The following IL1RAPL1 variants were observed in gnomAD, a reference collection of about 807,000 sequenced individuals.
IL1RAPL1 encodes interleukin-1 receptor accessory protein-like 1.
IL1RAPL1 carries 3 observed loss-of-function variants against 48.4 expected under a neutral mutation model. The ratio of observed to expected loss-of-function variants is 0.06; its 90% CI spans 0.03 to 0.16. The LOEUF is 0.16. Among genes scored for constraint, IL1RAPL1 ranks in the 10% least tolerant of loss-of-function variants. The pLI, the probability that IL1RAPL1 is intolerant of heterozygous loss-of-function variation, is 1.00. For missense variants in IL1RAPL1, 349 were observed against 530.6 expected (o/e 0.66, Z 3.36); for synonymous variants, 185 against 187.7 (o/e 0.99, Z 0.12).
chrX:28,730,407 T>C (rs895838389), intron 1 of IL1RAPL1, among the ~76,000 whole-genome samples: 2 of 111,708 alleles, frequency 1.8e-5, no homozygotes, highest in African/African-American at 6.5e-5. Context: ...ATCAGTTATG[T>C]ATTCAGAGGA....
At chrX:29,527,326 CTTTTTTTTTTTTTT>C (rs61003668) in intron 5 of IL1RAPL1, among the ~76,000 whole-genome samples, 3 of 25,570 alleles carry the variant, frequency 1.2e-4, no homozygotes, top group East Asian at 1.8e-3. Context: ...GGGAAGGACT[CTTTTTTTTTTTTTT>C]TTTTTTTTTT....
intron 5 of IL1RAPL1, among the ~76,000 whole-genome samples, chrX:29,566,097 C>T (rs992033118): frequency 1.5e-4 from 17 of 110,812 alleles, no homozygotes; most frequent in South Asian, 3.8e-4. Flanking sequence ...TACAGGCGTC[C>T]GCCACCACAC....
At chrX:29,076,600 G>A (rs189185681) in intron 2 of IL1RAPL1, among the ~76,000 whole-genome samples, 1 of 111,053 alleles carries the variant, frequency 9.0e-6, no homozygotes, top group Admixed American at 9.6e-5. Context: ...TTTCCTGGTG[G>A]TCTTTCGATT....
chrX:29,823,578 G>A (rs149475432), intron 6 of IL1RAPL1, among the ~76,000 whole-genome samples: 3,204 of 111,884 alleles, frequency 0.029, 99 homozygotes, highest in African/African-American at 0.099. Context: ...GTGCCTTGAA[G>A]AGTGAAAACT....
At position 29,950,894 on chromosome X, in the gene IL1RAPL1, G is replaced by C. The variant is rs191016375; in HGVS notation, c.1202-3628G>C. ...GAGGTTTCACCGTGTTAGCCAGGAT[G>C]GTCTCGATCTCCTGACCTTGTGATC... is the stretch of plus-strand genomic sequence containing the variant. On this transcript the variant is annotated intron_variant, in intron 9 of 10. Transcript: ENST00000378993. Among the ~76,000 whole-genome samples the C allele has an allele frequency of 5.5e-3, 614 of 110,805 alleles. 5 individuals are homozygous for C. The highest frequency in any genetic ancestry group is 0.02 in the African/African-American group (595 of 30,459).
At chrX:29,765,741 G>C (rs1189935670) in intron 6 of IL1RAPL1, among the ~76,000 whole-genome samples, 2 of 111,789 alleles carry the variant, frequency 1.8e-5, no homozygotes, top group African/African-American at 6.5e-5. Context: ...GGCAAATAAT[G>C]TCCTTTGCAG....
chrX:29,252,400 A>T (rs182721380), intron 2 of IL1RAPL1, among the ~76,000 whole-genome samples: 19 of 113,886 alleles, frequency 1.7e-4, no homozygotes, highest in Non-Finnish European at 2.4e-4. Context: ...CCTAGTGGCC[A>T]GGGCATACAG....
intron 6 of IL1RAPL1, among the ~76,000 whole-genome samples, chrX:29,733,263 T>G (rs772591367): frequency 1.8e-4 from 20 of 112,325 alleles, no homozygotes; most frequent in Admixed American, 5.7e-4. Context: ...CTTCTTGGAC[T>G]TTTTTCCCTC....
chrX:28,762,786 G>GCGCGCACACACACACACACACA (rs1366464632), intron 1 of IL1RAPL1, among the ~76,000 whole-genome samples: 14 of 62,967 alleles, frequency 2.2e-4, no homozygotes, highest in African/African-American at 7.6e-4. Context: ...GCACGCGCGC[G>GCGCGCACACACACACACACACA]CACACACACA....
chrX:29,449,335 T>A (rs1178587148), intron 5 of IL1RAPL1, among the ~76,000 whole-genome samples: 1 of 110,975 alleles, frequency 9.0e-6, no homozygotes, highest in Non-Finnish European at 1.9e-5. Context: ...AACAGTTATA[T>A]GTAAGTATGA....
chrX:29,176,515 G>T (rs1962737), intron 2 of IL1RAPL1, among the ~76,000 whole-genome samples: 15,062 of 110,119 alleles, frequency 0.14, 1,011 homozygotes, highest in Non-Finnish European at 0.2. Context: ...TTCCTCAACT[G>T]TTTTATAAAT....
chrX:29,276,131 T>G (rs1932115240), intron 2 of IL1RAPL1, among the ~76,000 whole-genome samples: 1 of 111,813 alleles, frequency 8.9e-6, no homozygotes, highest in South Asian at 3.7e-4. Context: ...AGGATTAAAT[T>G]TTATCAGTGT....
At chrX:29,617,577 G>A (rs1196500928) in intron 5 of IL1RAPL1, among the ~76,000 whole-genome samples, 1 of 111,596 alleles carries the variant, frequency 9.0e-6, no homozygotes, top group Non-Finnish European at 1.9e-5. Context: ...GGCAGTCTGA[G>A]CCCTGTATTG....
chrX:29,632,263 C>T (rs1163699706), intron 5 of IL1RAPL1, among the ~76,000 whole-genome samples: 1 of 109,640 alleles, frequency 9.1e-6, no homozygotes, highest in Non-Finnish European at 1.9e-5. Context: ...ATTCTCCTGC[C>T]TCAGCCTCCT....
chrX:28,612,932 T>A (rs902348671), intron 1 of IL1RAPL1, among the ~76,000 whole-genome samples: 29 of 112,182 alleles, frequency 2.6e-4, no homozygotes, highest in Non-Finnish European at 4.1e-4. Flanking sequence ...CCTGAATGCT[T>A]GTTTGAATGG....
chrX:29,857,321 T>C (rs1021349022), intron 6 of IL1RAPL1, among the ~76,000 whole-genome samples: 1 of 110,628 alleles, frequency 9.0e-6, no homozygotes, highest in African/African-American at 3.3e-5. Flanking sequence ...TTTCAAATAG[T>C]GCAAGAGGAA....
chrX:29,281,986 C>T (rs1050630155), intron 2 of IL1RAPL1, among the ~76,000 whole-genome samples: 10 of 111,203 alleles, frequency 9.0e-5, no homozygotes, highest in Admixed American at 3.8e-4. Flanking sequence ...TTTGTAATCA[C>T]GATGGAGAGA....
intron 3 of IL1RAPL1, among the ~76,000 whole-genome samples, chrX:29,289,892 T>G (rs948276875): frequency 9.8e-5 from 11 of 112,486 alleles, no homozygotes; most frequent in African/African-American, 3.5e-4. Context: ...TGTGATTGAT[T>G]TTTGTGTTAA....
chrX:29,213,626 T>G (rs1182336856), intron 2 of IL1RAPL1, among the ~76,000 whole-genome samples: 3 of 112,796 alleles, frequency 2.7e-5, no homozygotes, highest in Non-Finnish European at 5.6e-5. Flanking sequence ...TCAATTCACT[T>G]GAGCCACAGA....
Sources: allele counts gnomAD v4.1 joint callset (sites outside exome capture counted in the v4.1 genomes callset), GRCh38; gene constraint gnomAD v4.1.1; transcripts MANE v1.5; gene names NCBI Gene and HGNC (gene_info 2026-07-23, HGNC 2026-07-21).